HIVEP2: variants seen among roughly 807,000 people sequenced by gnomAD.
HIVEP2 encodes the protein transcription factor HIVEP2.
In HIVEP2, 14 loss-of-function variants were observed where a neutral mutation model predicts 180.7. The observed-to-expected ratio is 0.08, with a 90% CI of 0.05 to 0.12. The LOEUF (loss-of-function observed/expected upper bound fraction) is 0.12. Ranked by LOEUF, HIVEP2 falls within the 10% of genes least tolerant of loss-of-function variation. The pLI is 1.00. For synonymous variants in HIVEP2, 1,184 were observed against 1,136.4 expected (o/e 1.04, Z -0.84); for missense variants, 2,579 against 3,008.5 (o/e 0.86, Z 3.34).
At position 142,921,245 on chromosome 6, in the gene HIVEP2, T is replaced by G. The variant is rs1378155556; in HGVS notation, c.-641+23854A>C. Among the ~76,000 whole-genome samples the G allele has an allele frequency of 7.2e-5, 11 of 152,272 alleles. No individual in the cohort carries two copies. In the South Asian group the frequency reaches 2.1e-3, roughly 29 times the overall value. ...CCCTGCCTCAAAAAAATAAAAAGTT[T>G]AAAATATGAGGATAGGCTGCGCAAG... On this transcript the variant is annotated intron_variant, in intron 1 of 9. Coordinates refer to ENST00000367603, the MANE Select transcript of HIVEP2 (RefSeq NM_006734.4).
At chr6:142,905,373 A>T (rs933278638) in intron 1 of HIVEP2, among the ~76,000 whole-genome samples, 8 of 152,130 alleles carry the variant, frequency 5.3e-5, no homozygotes, top group African/African-American at 1.9e-4. Flanking sequence ...GGCATGATTT[A>T]GGTAATCAAT....
At chr6:142,817,878 T>C (rs1291134027) in intron 2 of HIVEP2, among the ~76,000 whole-genome samples, 2 of 151,814 alleles carry the variant, frequency 1.3e-5, no homozygotes, top group African/African-American at 4.8e-5. Context: ...TGGTGGCACA[T>C]GCCTGTAATC....
At chr6:142,899,705 A>G (rs1777084773) in intron 1 of HIVEP2, among the ~76,000 whole-genome samples, 1 of 152,188 alleles carries the variant, frequency 6.6e-6, no homozygotes, top group South Asian at 2.1e-4. Flanking sequence ...GCTGAAAACA[A>G]CATTTAGCTG....
intron 2 of HIVEP2, among the ~76,000 whole-genome samples, chr6:142,826,469 G>C (rs1215456234): frequency 6.6e-6 from 1 of 152,194 alleles, no homozygotes; most frequent in East Asian, 1.9e-4. Flanking sequence ...GGAATTCCCT[G>C]AGGATATTTA....
At chr6:142,895,404 A>C (rs188832264) in intron 1 of HIVEP2, among the ~76,000 whole-genome samples, 1 of 152,178 alleles carries the variant, frequency 6.6e-6, no homozygotes. Flanking sequence ...TATGTATAGC[A>C]ATCTTCCAAA....
chr6:142,780,147 T>C (rs927304606), intron 3 of HIVEP2, among the ~76,000 whole-genome samples: 3 of 152,192 alleles, frequency 2.0e-5, no homozygotes, highest in African/African-American at 7.2e-5. Flanking sequence ...TGCAAATAGC[T>C]TCTGTCAAGA....
intron 1 of HIVEP2, among the ~76,000 whole-genome samples, chr6:142,936,164 A>G (rs1778048329): frequency 6.6e-6 from 1 of 152,032 alleles, no homozygotes; most frequent in African/African-American, 2.4e-5. Context: ...TCTTGCCCAT[A>G]ATAAAACAGC....
chr6:142,914,354 G>A (rs1486145546), intron 1 of HIVEP2, among the ~76,000 whole-genome samples: 1 of 152,062 alleles, frequency 6.6e-6, no homozygotes, highest in Admixed American at 6.6e-5. Context: ...TCTTACAACC[G>A]ATGATACCTT....
chr6:142,943,588 C>T lies in HIVEP2; in HGVS notation c.-641+1511G>A, dbSNP rs1371780560. ...CTGGGTATGCTAGAAAAACACAGAT[C>T]TCTTGTGAATTATTGAGGTCCAGCT... On this transcript the variant is annotated intron_variant, in intron 1 of 9. Transcript: ENST00000367603. The surrounding 1 kb of genome is among the most constrained non-coding windows in gnomAD (Gnocchi z 4.5). Among the ~76,000 whole-genome samples, 1 of 152,076 alleles carries T rather than the reference C, an allele frequency of 6.6e-6. No homozygotes were observed. The highest frequency in any genetic ancestry group is 1.5e-5 in the Non-Finnish European group (1 of 68,026).
rs1775617541 is a variant in HIVEP2, at chr6:142,773,718, T to C, written c.1021A>G (p.Ser341Gly). 2 of 1,614,138 alleles carry C rather than the reference T, an allele frequency of 1.2e-6. No homozygotes were observed. Among genetic ancestry groups the C allele is most frequent in the East Asian group, 4.5e-5 (2 of 44,888 alleles). ...ATATCAGGGCCAATATACTGAGAGC[T>C]TTCATTAGGGAGAGGAATCCCACTT... ...PKSGIPLPNE[S>G]SQYIGPDMLP... is the part of the protein sequence containing the mutation. Residue 341 changes from serine (S) to glycine (G), a missense_variant, in exon 5 of 10, where the codon AGC (serine) becomes GGC (glycine). Ser to Gly is a moderately conservative substitution (Grantham distance 56, BLOSUM62 0). Around this residue, in one of 11 missense-constraint regions of HIVEP2, gnomAD observed 142 missense variants for 135.2 expected, o/e 1.05. Transcript: ENST00000367603.
At chr6:142,854,749 C>T (rs976139796) in intron 1 of HIVEP2, among the ~76,000 whole-genome samples, 1 of 152,156 alleles carries the variant, frequency 6.6e-6, no homozygotes, top group Non-Finnish European at 1.5e-5. Flanking sequence ...TTAAGCTTTT[C>T]CATAAACAGC....
At chr6:142,829,878 T>C (rs1349740294) in intron 2 of HIVEP2, among the ~76,000 whole-genome samples, 1 of 152,236 alleles carries the variant, frequency 6.6e-6, no homozygotes, top group Non-Finnish European at 1.5e-5. Context: ...AAACATTCTG[T>C]TAATGGAAAT....
rs528271553 is a variant in HIVEP2, at chr6:142,797,923, GA to G, written c.-527-14309del. Among the ~76,000 whole-genome samples, 21 of 152,168 alleles carry G rather than the reference GA, an allele frequency of 1.4e-4. No homozygotes were observed. The East Asian group carries it at 3.9e-3, about 28-fold the overall frequency. On this transcript the variant is annotated intron_variant, in intron 2 of 9. Transcript: ENST00000367603. ...GGAGACCACTGTACACACAGGTCTGGAAAAATCCTCTTTTTTGCCAGAAACT... is the reference window on the plus strand; with the variant it reads ...GGAGACCACTGTACACACAGGTCTGGAAAATCCTCTTTTTTGCCAGAAACT...
intron 9 of HIVEP2, 41 bp downstream of exon 9, chr6:142,759,731 C>T: frequency 6.6e-7 from 1 of 1,506,158 alleles, no homozygotes; most frequent in East Asian, 2.3e-5. Context: ...GACCAATGTG[C>T]TTCCACTTAT....
intron 1 of HIVEP2, among the ~76,000 whole-genome samples, chr6:142,884,553 G>T (rs774930490): frequency 1.3e-5 from 2 of 152,010 alleles, no homozygotes; most frequent in African/African-American, 4.8e-5. Context: ...GAATGATGTC[G>T]TTTCATTCAC....
chr6:142,785,903 T>C (rs1183584452), intron 2 of HIVEP2, among the ~76,000 whole-genome samples: 1 of 152,166 alleles, frequency 6.6e-6, no homozygotes, highest in East Asian at 1.9e-4. Flanking sequence ...TTAAAGAAAG[T>C]TCCAGATGAG....
chr6:142,915,421 G>C (rs1777526415), intron 1 of HIVEP2, among the ~76,000 whole-genome samples: 1 of 152,140 alleles, frequency 6.6e-6, no homozygotes. Flanking sequence ...CCAGAGGCTG[G>C]GAGAGAGGCA....
chr6:142,791,851 C>T (rs1400980896), intron 2 of HIVEP2, among the ~76,000 whole-genome samples: 10 of 152,020 alleles, frequency 6.6e-5, no homozygotes, highest in Non-Finnish European at 1.5e-5. Flanking sequence ...AGCTTACTGT[C>T]TAATGAGTAA....
intron 1 of HIVEP2, among the ~76,000 whole-genome samples, chr6:142,879,686 GC>G (rs1776533496): frequency 6.6e-6 from 1 of 152,014 alleles, no homozygotes; most frequent in Non-Finnish European, 1.5e-5. Context: ...TCTGACTTCA[GC>G]TGTCTGAGCA....
Sources: allele counts gnomAD v4.1 joint callset (sites outside exome capture counted in the v4.1 genomes callset), GRCh38; gene constraint gnomAD v4.1.1; regional missense constraint gnomAD v4.1.1; non-coding constraint Gnocchi (gnomAD v3.1); transcripts MANE v1.5; gene names NCBI Gene and HGNC (gene_info 2026-07-23, HGNC 2026-07-21).